Variants in LRP12 observed in about 807,000 individuals in gnomAD.
The protein encoded by LRP12 is LDL receptor related protein 12.
LRP12 carries 14 observed loss-of-function variants against 66.0 expected under a neutral mutation model. The observed-to-expected ratio is 0.21, with a 90% confidence interval of 0.14 to 0.33. The LOEUF (loss-of-function observed/expected upper bound fraction) is 0.33. Ranked by LOEUF, LRP12 falls within the 10% of genes least tolerant of loss-of-function variation. The pLI is 1.00. For missense variants in LRP12, 889 were observed against 1,053.4 expected (o/e 0.84, Z 2.16); for synonymous variants, 357 against 359.1 (o/e 0.99, Z 0.07).
intron 2 of LRP12, among the ~76,000 whole-genome samples, chr8:104,513,907 A>C (rs966447341): frequency 6.6e-6 from 1 of 152,300 alleles, no homozygotes; most frequent in Admixed American, 6.5e-5. Flanking sequence ...CCCACTGGAC[A>C]TTCTAACCTC....
chr8:104,577,823 A>AG (rs1372228187), intron 1 of LRP12, among the ~76,000 whole-genome samples: 1 of 151,386 alleles, frequency 6.6e-6, no homozygotes, highest in East Asian at 1.9e-4. Context: ...AAAAAAAAAA[A>AG]AAAAGAAAAA....
chr8:104,582,740 T>C, intron 1 of LRP12, among the ~76,000 whole-genome samples: 1 of 152,134 alleles, frequency 6.6e-6, no homozygotes, highest in East Asian at 1.9e-4. Context: ...ATAATATATG[T>C]GCTTGTATAG....
intron 2 of LRP12, among the ~76,000 whole-genome samples, chr8:104,526,608 C>T (rs1811243524): frequency 7.1e-6 from 1 of 141,816 alleles, no homozygotes; most frequent in Non-Finnish European, 1.5e-5. Flanking sequence ...ATAAATGGTG[C>T]TGGGAAAACT....
In LRP12 at chr8:104,491,559, T is replaced by C; in HGVS notation, c.1714-20A>G. On this transcript the variant is annotated intron_variant, in intron 6 of 6. Coordinates refer to ENST00000276654, the MANE Select transcript of LRP12 (RefSeq NM_013437.5). ...AGAAGCCTACAAAAATAAGAAAAGA[T>C]CTTAAGATAGTTAACAACAAGGTAC... 6.5e-7 allele frequency: 1 copy of C among 1,543,210 alleles called. No individual in the cohort carries two copies. The highest frequency in any genetic ancestry group is 8.7e-7 in the Non-Finnish European group (1 of 1,149,132).
intron 3 of LRP12, chr8:104,506,132 TATTAC>T (rs1810902744): frequency 6.6e-6 from 1 of 152,222 alleles, no homozygotes; most frequent in South Asian, 2.1e-4. Flanking sequence ...AATAAGCATA[TATTAC>T]ATTACAAATA....
chr8:104,565,860 C>CAAAA (rs35650042), intron 1 of LRP12, among the ~76,000 whole-genome samples: 2,225 of 111,712 alleles, frequency 0.02, 72 homozygotes, highest in African/African-American at 0.07. Context: ...GACTCCATCT[C>CAAAA]AAAAAAAAAA....
At chr8:104,566,314 G>A (rs1812003813) in intron 1 of LRP12, 3 of 251,104 alleles carry the variant, frequency 1.2e-5, no homozygotes, top group Non-Finnish European at 2.3e-5. Context: ...TGATCAAGTA[G>A]AAGAGGTGAT....
intron 1 of LRP12, among the ~76,000 whole-genome samples, chr8:104,569,546 A>G (rs952040842): frequency 2.6e-5 from 4 of 152,170 alleles, no homozygotes; most frequent in African/African-American, 7.2e-5. Context: ...CAAAAAAGAA[A>G]AATCACATAA....
At chr8:104,540,597 T>G (rs968566984) in intron 1 of LRP12, among the ~76,000 whole-genome samples, 1 of 152,252 alleles carries the variant, frequency 6.6e-6, no homozygotes, top group Non-Finnish European at 1.5e-5. Flanking sequence ...GTATTATTTC[T>G]GTAACTTTTT....
At chr8:104,566,838 G>A (rs1404140119) in intron 1 of LRP12, among the ~76,000 whole-genome samples, 1 of 152,120 alleles carries the variant, frequency 6.6e-6, no homozygotes, top group Non-Finnish European at 1.5e-5. Flanking sequence ...ACTGTTTGAT[G>A]TAAATAATAA....
rs977207842 is a variant in LRP12, at chr8:104,547,737, AAT to A, written c.80-15776_80-15775del. On this transcript the variant is annotated intron_variant, in intron 1 of 6. Transcript: ENST00000276654. ...CTATATTATGTTATATTTTGTATAT[AAT>A]ATATAATCATATATAATATATAATT... is the stretch of plus-strand genomic sequence containing the variant. Among the ~76,000 whole-genome samples, 4 of 124,970 alleles carry A rather than the reference AAT, an allele frequency of 3.2e-5. No individual in the cohort carries two copies. In the Admixed American group the frequency reaches 3.5e-4, roughly 11 times the overall value. The allele number at this position is 124,970 out of a possible 152,430, so 82.0% of individuals were successfully genotyped here.
intron 2 of LRP12, among the ~76,000 whole-genome samples, chr8:104,528,374 T>C (rs1336938583): frequency 1.3e-5 from 2 of 152,148 alleles, no homozygotes; most frequent in African/African-American, 2.4e-5. Context: ...TACCTCTCTA[T>C]TTAGACCAGC....
At chr8:104,529,451 A>T (rs1232568344) in intron 2 of LRP12, among the ~76,000 whole-genome samples, 2 of 152,222 alleles carry the variant, frequency 1.3e-5, no homozygotes, top group African/African-American at 4.8e-5. Context: ...AAAAAAGATT[A>T]AAAAATGTAA....
intron 1 of LRP12, among the ~76,000 whole-genome samples, chr8:104,556,893 C>G (rs553386267): frequency 4.7e-4 from 72 of 152,230 alleles, no homozygotes; most frequent in African/African-American, 1.7e-3. Context: ...AATCCAATAG[C>G]ATATAAAAAG....
chr8:104,559,684 C>A (rs4492340), intron 1 of LRP12, among the ~76,000 whole-genome samples: 1 of 151,518 alleles, frequency 6.6e-6, no homozygotes, highest in African/African-American at 2.4e-5. Context: ...ACATGCCTAT[C>A]CAAAAAAAAG....
intron 3 of LRP12, among the ~76,000 whole-genome samples, chr8:104,502,486 AT>A (rs1810841438): frequency 6.6e-6 from 1 of 152,040 alleles, no homozygotes; most frequent in African/African-American, 2.4e-5. Context: ...TACCTTATTA[AT>A]TTCCAGTTAC....
intron 1 of LRP12, among the ~76,000 whole-genome samples, chr8:104,551,297 G>A (rs539250438): frequency 1.3e-5 from 2 of 152,222 alleles, no homozygotes; most frequent in Admixed American, 6.5e-5. Context: ...ATAGTACATT[G>A]TATTAGTACG....
chr8:104,576,402 A>G (rs1812165319), intron 1 of LRP12, among the ~76,000 whole-genome samples: 1 of 150,278 alleles, frequency 6.7e-6, no homozygotes, highest in African/African-American at 2.4e-5. Context: ...GAAGTCCATC[A>G]GACTAACAGC....
rs568407935 is a variant in LRP12 at position 104,553,832 on chromosome 8, C to G, written c.80-21869G>C. Among the ~76,000 whole-genome samples the G allele has an allele frequency of 1.3e-4, 20 of 152,276 alleles. No homozygotes were observed. In the East Asian group the frequency reaches 3.9e-3, roughly 30 times the overall value. Reference sequence around the variant, plus strand: ...GGCTGGAGGCCAACAAACAAAAAACCAGTGCACTAAACAAAAATACAATCA... The same window carrying G: ...GGCTGGAGGCCAACAAACAAAAAACGAGTGCACTAAACAAAAATACAATCA... On this transcript the variant is annotated intron_variant, in intron 1 of 6. Coordinates refer to ENST00000276654, the MANE Select transcript of LRP12 (RefSeq NM_013437.5).
Sources: gnomAD v4.1 joint callset for allele counts (sites outside exome capture counted in the v4.1 genomes callset) on GRCh38, gnomAD v4.1.1 for gene constraint, MANE v1.5 for transcripts, NCBI Gene and HGNC (gene_info 2026-07-23, HGNC 2026-07-21) for gene names.